Variants in GRIK2 observed in about 807,000 individuals in gnomAD.
GRIK2 encodes the protein glutamate receptor ionotropic, kainate 2.
In GRIK2, 32 loss-of-function variants were observed where a neutral mutation model predicts 100.3. The ratio of observed to expected loss-of-function variants is 0.32; its 90% CI spans 0.24 to 0.43. The LOEUF is 0.43. Ranked by LOEUF, GRIK2 falls within the 20% of genes least tolerant of loss-of-function variation. The probability of loss-of-function intolerance (pLI) is 1.00; values close to 1 mark genes in which losing one functional copy is unlikely to be tolerated. For synonymous variants in GRIK2, 417 were observed against 389.4 expected, an observed-to-expected ratio of 1.07 and a Z score of -0.83; for missense variants, 843 against 1,114.9, an observed-to-expected ratio of 0.76 and a Z score of 3.47.
In GRIK2 at chr6:101,859,511, T is replaced by G; in HGVS notation, c.1524+18T>G. 4 of 1,417,808 alleles carry G rather than the reference T, an allele frequency of 2.8e-6. No homozygotes were observed. Among genetic ancestry groups the G allele is most frequent in the Middle Eastern group, 3.5e-4 (2 of 5,724 alleles). 87.8% of individuals were successfully genotyped at this position (1,417,808 alleles called of 1,614,324 possible). ...TTGATCATGTAAGTCCCTTCCCTCA[T>G]GATTTATTAGTTTGTTATGTTGCTA... On this transcript the variant is annotated intron_variant, in intron 11 of 16. Transcript: ENST00000369134.
At chr6:101,393,918 G>A in intron 1 of GRIK2, among the ~76,000 whole-genome samples, 81 bp downstream of exon 1, 1 of 152,194 alleles carries the variant, frequency 6.6e-6, no homozygotes, top group Non-Finnish European at 1.5e-5. Flanking sequence ...GGGACTGCGG[G>A]TGGGCGAGGG....
intron 14 of GRIK2, among the ~76,000 whole-genome samples, chr6:101,958,962 A>G (rs1562511449): frequency 6.6e-6 from 1 of 152,030 alleles, no homozygotes; most frequent in African/African-American, 2.4e-5. Flanking sequence ...GTTTACATTC[A>G]TCAGGGATAT....
At chr6:101,415,872 G>T (rs908835515) in intron 2 of GRIK2, among the ~76,000 whole-genome samples, 8 of 152,062 alleles carry the variant, frequency 5.3e-5, no homozygotes, top group African/African-American at 1.9e-4. Flanking sequence ...AATTGGGAAT[G>T]ATAATATTAT....
At position 101,626,207 on chromosome 6, in the gene GRIK2, A is replaced by C. The variant is rs150507553; in HGVS notation, c.284-173A>C. On this transcript the variant is annotated intron_variant, in intron 3 of 16. Coordinates refer to ENST00000369134, the MANE Select transcript of GRIK2 (RefSeq NM_021956.5). ...GAGTTAATTCCCTTGTAACAAACGG[A>C]AAGTGTTCAGAGTCAGACAAAATTT... is the stretch of plus-strand genomic sequence containing the variant. Among the ~76,000 whole-genome samples the C allele has an allele frequency of 4.7e-3, 709 of 152,296 alleles. 2 individuals carry two copies. Among genetic ancestry groups the C allele is most frequent in the Non-Finnish European group, 7.8e-3 (530 of 68,034 alleles).
At chr6:101,670,649 C>T (rs1410759661) in intron 4 of GRIK2, among the ~76,000 whole-genome samples, 1 of 152,050 alleles carries the variant, frequency 6.6e-6, no homozygotes, top group East Asian at 1.9e-4. Flanking sequence ...AACGCCTTTC[C>T]TTTGGCAATG....
chr6:101,954,305 G>C (rs1034027118), intron 14 of GRIK2, among the ~76,000 whole-genome samples: 1 of 152,048 alleles, frequency 6.6e-6, no homozygotes, highest in African/African-American at 2.4e-5. Flanking sequence ...TATTTGGGAA[G>C]TATTGTTATC....
intron 12 of GRIK2, among the ~76,000 whole-genome samples, chr6:101,909,378 T>TTGTTGTTG (rs1554284519): frequency 8.3e-6 from 1 of 120,352 alleles, no homozygotes; most frequent in African/African-American, 3.0e-5. Context: ...AGGGTTTTCT[T>TTGTTGTTG]TTTCTTTTTT....
chr6:101,796,369 T>C (rs925456451), intron 7 of GRIK2, among the ~76,000 whole-genome samples: 6 of 152,184 alleles, frequency 3.9e-5, no homozygotes, highest in Admixed American at 1.3e-4. Context: ...GAAGGCACAT[T>C]TTTGTGAGCA....
At chr6:101,685,950 G>A (rs145095267) in intron 6 of GRIK2, among the ~76,000 whole-genome samples, 36 of 152,100 alleles carry the variant, frequency 2.4e-4, no homozygotes, top group African/African-American at 5.3e-4. Flanking sequence ...TTTCACTGGC[G>A]GATTTAGAAT....
At chr6:101,455,338 C>A (rs1239464964) in intron 2 of GRIK2, among the ~76,000 whole-genome samples, 1 of 152,018 alleles carries the variant, frequency 6.6e-6, no homozygotes, top group Admixed American at 6.6e-5. Context: ...AAGCAAAATG[C>A]CATAATTCAA....
At chr6:101,693,906 C>T (rs183693587) in intron 7 of GRIK2, among the ~76,000 whole-genome samples, 6 of 151,980 alleles carry the variant, frequency 3.9e-5, no homozygotes, top group South Asian at 2.1e-4. Context: ...ACTCCTTCAA[C>T]AGCTATATGG....
At chr6:101,973,596 G>T (rs1322757009) in intron 14 of GRIK2, among the ~76,000 whole-genome samples, 2 of 151,696 alleles carry the variant, frequency 1.3e-5, no homozygotes, top group African/African-American at 4.8e-5. Context: ...TTTACTTTTA[G>T]ATCTTGTTTT....
chr6:101,688,738 T>C (rs13437074), intron 7 of GRIK2, among the ~76,000 whole-genome samples: 32 of 152,088 alleles, frequency 2.1e-4, no homozygotes, highest in African/African-American at 6.5e-4. Context: ...TTAGAAGAAT[T>C]TTCCATGCAA....
At chr6:101,565,360 A>G (rs1777205203) in intron 2 of GRIK2, among the ~76,000 whole-genome samples, 1 of 152,142 alleles carries the variant, frequency 6.6e-6, no homozygotes, top group South Asian at 2.1e-4. Flanking sequence ...TGTTTGGTTC[A>G]GTCTTTACCA....
chr6:101,624,760 T>A (rs1780352005), intron 3 of GRIK2, among the ~76,000 whole-genome samples: 1 of 151,950 alleles, frequency 6.6e-6, no homozygotes, highest in Non-Finnish European at 1.5e-5. Context: ...GACACACAGT[T>A]TTGGTCTGGC....
chr6:101,543,095 ACAAG>A (rs1254550279), intron 2 of GRIK2, among the ~76,000 whole-genome samples: 3 of 152,316 alleles, frequency 2.0e-5, no homozygotes, highest in Admixed American at 1.3e-4. Flanking sequence ...CATTTAAAAA[ACAAG>A]CAAACAAAAA....
intron 7 of GRIK2, among the ~76,000 whole-genome samples, chr6:101,701,412 T>C (rs1049310615): frequency 1.3e-5 from 2 of 152,094 alleles, no homozygotes; most frequent in African/African-American, 4.8e-5. Context: ...TTAATTTGAA[T>C]TCTGGTTCCG....
rs753426869 is a variant in GRIK2 at position 101,906,374 on chromosome 6, G to GTGTGTGTGTGTGTT, written c.1748+16522_1748+16523insGTTTGTGTGTGTGT. On this transcript the variant is annotated intron_variant, in intron 12 of 16. Coordinates refer to ENST00000369134, the MANE Select transcript of GRIK2 (RefSeq NM_021956.5). The stretch of plus-strand genomic sequence containing the variant: ...TAACTATAAAACAAGATCTGTGTGT[G>GTGTGTGTGTGTGTT]TGTGTGTGTGTTTGTGTGTGTTTAA... Among the ~76,000 whole-genome samples, 37 of 151,102 alleles carry GTGTGTGTGTGTGTT rather than the reference G, an allele frequency of 2.4e-4. 1 individual carries two copies. The highest frequency in any genetic ancestry group is 7.3e-4 in the African/African-American group (30 of 41,376).
intron 2 of GRIK2, among the ~76,000 whole-genome samples, chr6:101,494,971 T>TTTTATATA (rs1554209024): frequency 3.6e-4 from 39 of 107,958 alleles, no homozygotes; most frequent in African/African-American, 1.2e-3. Flanking sequence ...ATATATGCAT[T>TTTTATATA]TATATATATA....
Sources: allele counts gnomAD v4.1 joint callset (sites outside exome capture counted in the v4.1 genomes callset), GRCh38; gene constraint gnomAD v4.1.1; transcripts MANE v1.5; gene names NCBI Gene and HGNC (gene_info 2026-07-23, HGNC 2026-07-21).